Variants in BMX observed in about 807,000 individuals in gnomAD.
BMX encodes BMX non-receptor tyrosine kinase, also known as cytoplasmic tyrosine-protein kinase BMX.
Under a neutral mutation model 59.2 loss-of-function variants are expected in BMX, and 31 were observed. That is an observed-to-expected ratio of 0.52 (90% CI 0.39 to 0.71). The LOEUF is 0.71. Ranked by LOEUF, BMX falls within the 30% of genes least tolerant of loss-of-function variation. The pLI is 0.00. For synonymous variants in BMX, 185 were observed against 181.0 expected (o/e 1.02, Z -0.18); for missense variants, 474 against 491.7 (o/e 0.96, Z 0.34).
At chrX:15,522,234 C>G in intron 6 of BMX, 112 bp from the exon 7 acceptor site, 2 of 964,783 alleles carry the variant, frequency 2.1e-6, no homozygotes, top group Non-Finnish European at 2.8e-6. Context: ...TTCCTCCCTC[C>G]CTTCTCTCCT....
intron 1 of BMX, among the ~76,000 whole-genome samples, chrX:15,504,306 G>A (rs1923666719): frequency 8.9e-6 from 1 of 111,814 alleles, no homozygotes; most frequent in Non-Finnish European, 1.9e-5. Context: ...CGTAAAGTAA[G>A]AGAGTTGTTA....
At chrX:15,550,665 TACACACACACACACACACAC>T (rs58905214) in intron 18 of BMX, among the ~76,000 whole-genome samples, 242 of 86,768 alleles carry the variant, frequency 2.8e-3, no homozygotes, top group African/African-American at 9.8e-3. Context: ...TCAAAGTCTT[TACACACACACACACACACAC>T]ACACACACAC....
intron 18 of BMX, among the ~76,000 whole-genome samples, chrX:15,554,299 CA>C (rs1926326100): frequency 8.9e-6 from 1 of 112,002 alleles, no homozygotes; most frequent in Non-Finnish European, 1.9e-5. Flanking sequence ...GAATTCTTGC[CA>C]ATCTGATAAG....
At chrX:15,540,779 C>T (rs1013492958) in intron 14 of BMX, among the ~76,000 whole-genome samples, 1 of 111,524 alleles carries the variant, frequency 9.0e-6, no homozygotes, top group African/African-American at 3.3e-5. Context: ...CAATGGATCA[C>T]TCAGAGTCAG....
In BMX at chrX:15,517,942, T is replaced by A. The variant is rs1409219021; in HGVS notation, c.459T>A (p.His153Gln). ...CTLWEAYANL[H>Q]TAVNEEKHRV... The stretch of plus-strand genomic sequence containing the variant: ...TTTAATGTTCAGATGCTAATCTGCA[T>A]ACTGCAGTCAATGAAGAGAAACACA... The change falls in exon 6 of 19, where the codon CAT becomes CAA. Residue 153 changes from histidine (H) to glutamine (Q), a missense_variant. Transcript: ENST00000348343. The A allele has an allele frequency of 8.3e-7, 1 of 1,206,574 alleles. No individual in the cohort carries two copies. Among genetic ancestry groups the A allele is most frequent in the South Asian group, 1.8e-5 (1 of 56,433 alleles).
intron 17 of BMX, among the ~76,000 whole-genome samples, chrX:15,548,099 G>T (rs959342217): frequency 2.7e-5 from 3 of 112,041 alleles, no homozygotes; most frequent in Non-Finnish European, 5.6e-5. Flanking sequence ...AAATCACAAA[G>T]ATAGCATTTT....
intron 16 of BMX, among the ~76,000 whole-genome samples, chrX:15,543,990 G>C (rs1925827645): frequency 9.0e-6 from 1 of 111,568 alleles, no homozygotes; most frequent in African/African-American, 3.3e-5. Context: ...ATACTGATAT[G>C]AATAGGATAG....
intron 14 of BMX, among the ~76,000 whole-genome samples, chrX:15,538,457 T>G (rs1208097463): frequency 8.9e-6 from 1 of 111,860 alleles, no homozygotes; most frequent in African/African-American, 3.3e-5. Flanking sequence ...TGGTCAAAAA[T>G]AGTTGAAATA....
intron 15 of BMX, 96 bp from the exon 16 acceptor site, chrX:15,542,975 T>G: frequency 1.2e-6 from 1 of 813,065 alleles, no homozygotes; most frequent in South Asian, 2.4e-5. Flanking sequence ...TGCTAGGTAA[T>G]CTTAGATTTT....
In BMX at chrX:15,550,012, T is replaced by C. The variant is rs376836167; in HGVS notation, c.1953+15T>C. The C allele has an allele frequency of 1.7e-6, 2 of 1,191,167 alleles. No individual in the cohort carries two copies. The highest frequency in any genetic ancestry group is 2.3e-6 in the Non-Finnish European group (2 of 882,525). On this transcript the variant is annotated intron_variant, in intron 18 of 18. Coordinates refer to ENST00000348343, the MANE Select transcript of BMX (RefSeq NM_203281.3). ...GCTGGCACGAGGCAAGTGTATTCTC[T>C]GGGTGGGCTGGAAGGGGTCTCAGGC...
At chrX:15,534,483 AT>A in intron 12 of BMX, 144 bp downstream of exon 12, 1 of 499,656 alleles carries the variant, frequency 2.0e-6, no homozygotes, top group Non-Finnish European at 2.9e-6. Flanking sequence ...GCCTATCATA[AT>A]TTTTAGCTTA....
At chrX:15,510,054 A>T (rs886261691) in intron 3 of BMX, among the ~76,000 whole-genome samples, 1 of 111,858 alleles carries the variant, frequency 8.9e-6, no homozygotes, top group African/African-American at 3.3e-5. Flanking sequence ...TTTAGAGAGC[A>T]CTAAGTAGTC....
chrX:15,551,529 G>A (rs376168689), intron 18 of BMX, among the ~76,000 whole-genome samples: 11 of 94,770 alleles, frequency 1.2e-4, no homozygotes, highest in East Asian at 7.0e-4. Context: ...GTGTGTGTGT[G>A]TATATATATA....
chrX:15,546,799 G>A lies in BMX; in HGVS notation c.1677-4G>A. On this transcript the variant is annotated splice_region_variant and splice_polypyrimidine_tract_variant and intron_variant, in intron 16 of 18. Coordinates refer to ENST00000348343, the MANE Select transcript of BMX (RefSeq NM_203281.3). ...GGTCTGTGTTGATGTGTTTTCCCTG[G>A]CAGGTATGTTCTTGATGACCAGTAT... 1 of 1,202,124 alleles carries A rather than the reference G, an allele frequency of 8.3e-7. No homozygotes were observed. Among genetic ancestry groups the A allele is most frequent in the Non-Finnish European group, 1.1e-6 (1 of 887,700 alleles).
At chrX:15,551,208 T>C (rs188265882) in intron 18 of BMX, among the ~76,000 whole-genome samples, 10 of 111,751 alleles carry the variant, frequency 8.9e-5, no homozygotes, top group Non-Finnish European at 1.7e-4. Flanking sequence ...AGAGCCCATG[T>C]TCATAATCAT....
chrX:15,537,082 G>T, intron 13 of BMX, 52 bp from the exon 14 acceptor site: 2 of 1,171,953 alleles, frequency 1.7e-6, no homozygotes, highest in Non-Finnish European at 2.3e-6. Context: ...GAAGCTGTTA[G>T]CCCCAAAGCT....
chrX:15,515,284 A>G (rs7887438), intron 4 of BMX, among the ~76,000 whole-genome samples: 10,281 of 110,001 alleles, frequency 0.093, 1,161 homozygotes, highest in African/African-American at 0.32. Context: ...AAACCTGCAC[A>G]TTCTGCACAT....
At chrX:15,521,852 T>C (rs1449787198) in intron 6 of BMX, among the ~76,000 whole-genome samples, 3 of 112,017 alleles carry the variant, frequency 2.7e-5, no homozygotes, top group Middle Eastern at 4.6e-3. Flanking sequence ...TATTCACAGG[T>C]TCTGGGAATT....
intron 6 of BMX, among the ~76,000 whole-genome samples, chrX:15,518,211 C>G (rs16979950): frequency 0.056 from 5,983 of 106,812 alleles, 423 homozygotes; most frequent in African/African-American, 0.19. Flanking sequence ...ATTGTTGTGT[C>G]TTTTCCTAGC....
Sources: gnomAD v4.1 joint callset for allele counts (sites outside exome capture counted in the v4.1 genomes callset) on GRCh38, gnomAD v4.1.1 for gene constraint, MANE v1.5 for transcripts, NCBI Gene and HGNC (gene_info 2026-07-23, HGNC 2026-07-21) for gene names.